JPH3: variants seen among roughly 807,000 people sequenced by gnomAD.
JPH3 encodes the protein junctophilin-3.
Under a neutral mutation model 59.6 loss-of-function variants are expected in JPH3, and 11 were observed. The observed-to-expected ratio is 0.18, with a 90% confidence interval of 0.12 to 0.31. The LOEUF (loss-of-function observed/expected upper bound fraction) is 0.31, where lower values mean the gene tolerates loss of function less well. Among genes scored for constraint, JPH3 ranks in the 10% least tolerant of loss-of-function variants. The pLI is 1.00. For missense variants in JPH3, 1,202 were observed against 1,105.7 expected (o/e 1.09, Z -1.24); for synonymous variants, 673 against 483.6 (o/e 1.39, Z -5.14).
chr16:87,649,043 C>T (rs1413856425), intron 2 of JPH3, among the ~76,000 whole-genome samples: 1 of 152,186 alleles, frequency 6.6e-6, no homozygotes, highest in Admixed American at 6.5e-5. Context: ...CAGAGTCCAG[C>T]CCAGCAAGGG....
intron 2 of JPH3, among the ~76,000 whole-genome samples, chr16:87,676,044 G>A (rs927198501): frequency 7.2e-5 from 11 of 152,274 alleles, no homozygotes; most frequent in Admixed American, 3.3e-4. Flanking sequence ...TGTCGCAGGC[G>A]ACGAAAGTGC....
In JPH3 at chr16:87,678,123, C is replaced by T. The variant is rs2033196945; in HGVS notation, c.1161-6019C>T. On this transcript the variant is annotated intron_variant, in intron 2 of 4. Coordinates refer to ENST00000284262, the MANE Select transcript of JPH3 (RefSeq NM_020655.4). ...CAAAATTAGCCAGGCGTAGTGTCTT[C>T]CTGCCCACTTGGGTGGCTGAAGTGG... is the stretch of plus-strand genomic sequence containing the variant. 2.0e-5 allele frequency among the ~76,000 whole-genome samples: 3 copies of T among 152,242 alleles called. No homozygotes were observed. The South Asian group carries it at 6.2e-4, about 32-fold the overall frequency.
intron 2 of JPH3, among the ~76,000 whole-genome samples, chr16:87,673,111 A>T (rs1305534324): frequency 6.6e-6 from 1 of 151,794 alleles, no homozygotes; most frequent in African/African-American, 2.4e-5. Flanking sequence ...GCACCGTTGC[A>T]CTCCAGACTG....
intron 1 of JPH3, among the ~76,000 whole-genome samples, chr16:87,610,051 T>G (rs910913797): frequency 2.0e-5 from 3 of 152,214 alleles, no homozygotes; most frequent in Admixed American, 2.0e-4. Flanking sequence ...GACATTAGAT[T>G]ATCATAAGGA....
At chr16:87,689,490 G>A (rs1024364713) in intron 3 of JPH3, among the ~76,000 whole-genome samples, 156 bp from the exon 4 acceptor site, 3 of 147,084 alleles carry the variant, frequency 2.0e-5, no homozygotes, top group South Asian at 2.2e-4. Context: ...TGGGAGCCAC[G>A]GTCCCCACTC....
chr16:87,646,167 C>A (rs1028330247), intron 2 of JPH3, among the ~76,000 whole-genome samples: 2 of 152,212 alleles, frequency 1.3e-5, no homozygotes, highest in African/African-American at 4.8e-5. Flanking sequence ...AGGAAAGCTC[C>A]CAGCCTGGGT....
intron 3 of JPH3, 102 bp from the exon 4 acceptor site, chr16:87,689,544 G>A: frequency 8.6e-6 from 11 of 1,274,492 alleles, no homozygotes; most frequent in Middle Eastern, 5.2e-4. Context: ...AAGCGCCTCT[G>A]CTGCCCTGAG....
chr16:87,629,890 CAG>C (rs144934749), intron 1 of JPH3, among the ~76,000 whole-genome samples: 11,250 of 152,174 alleles, frequency 0.074, 548 homozygotes, highest in Non-Finnish European at 0.11. Flanking sequence ...ATGCTAATAT[CAG>C]GGGAAGTGGG....
rs1021684808 is a variant in JPH3, at chr16:87,613,946, C to G, written c.382+10418C>G. ...ACAGCGCTGCAAACTTGTTTCTGGCCGCAGAATTGTTTCCGGCGCTCCGAG... is the reference window on the plus strand; with the variant it reads ...ACAGCGCTGCAAACTTGTTTCTGGCGGCAGAATTGTTTCCGGCGCTCCGAG... On this transcript the variant is annotated intron_variant, in intron 1 of 4. Transcript: ENST00000284262. Among the ~76,000 whole-genome samples, 11 of 152,226 alleles carry G rather than the reference C, an allele frequency of 7.2e-5. No homozygotes were observed. In the East Asian group the frequency reaches 1.5e-3, roughly 21 times the overall value.
intron 1 of JPH3, among the ~76,000 whole-genome samples, chr16:87,608,749 A>G (rs1020169415): frequency 6.6e-6 from 1 of 152,130 alleles, no homozygotes; most frequent in Non-Finnish European, 1.5e-5. Flanking sequence ...AAGTGTGCCT[A>G]TGCCTGTGCC....
chr16:87,616,118 G>T (rs1168976128), intron 1 of JPH3, among the ~76,000 whole-genome samples: 1 of 151,758 alleles, frequency 6.6e-6, no homozygotes, highest in African/African-American at 2.4e-5. Context: ...CAGGGTTGGG[G>T]GACTTTGAAT....
At chr16:87,638,620 G>A (rs1053102695) in intron 1 of JPH3, among the ~76,000 whole-genome samples, 47 of 151,716 alleles carry the variant, frequency 3.1e-4, no homozygotes, top group African/African-American at 1.1e-3. Context: ...TTCATGGCAG[G>A]GCTTGGGGAG....
intron 1 of JPH3, among the ~76,000 whole-genome samples, chr16:87,608,592 A>G (rs530072298): frequency 6.6e-6 from 1 of 152,332 alleles, no homozygotes; most frequent in Non-Finnish European, 1.5e-5. Flanking sequence ...CAGTCCCTTC[A>G]GCACCTTGGA....
intron 3 of JPH3, among the ~76,000 whole-genome samples, chr16:87,685,487 C>T (rs2033395328): frequency 6.6e-6 from 1 of 152,262 alleles, no homozygotes; most frequent in African/African-American, 2.4e-5. Flanking sequence ...CTTGCCTCGC[C>T]CACGACCAGC....
intron 1 of JPH3, among the ~76,000 whole-genome samples, chr16:87,643,759 G>A (rs1347387869): frequency 6.6e-6 from 1 of 152,286 alleles, no homozygotes; most frequent in East Asian, 1.9e-4. Flanking sequence ...CAGGATGGAG[G>A]TGTCTTCAAA....
chr16:87,603,084 C>G lies in JPH3; in HGVS notation c.-63C>G. 1 of 1,610,266 alleles carries G rather than the reference C, an allele frequency of 6.2e-7. No homozygotes were observed. The highest frequency in any genetic ancestry group is 8.5e-7 in the Non-Finnish European group (1 of 1,177,844). On this transcript the variant is annotated 5_prime_UTR_variant, in exon 1 of 5. Coordinates refer to ENST00000284262, the MANE Select transcript of JPH3 (RefSeq NM_020655.4). ...CCCAGGGCCGCCGGCGGCCGCGACT[C>G]TGCTGTGTCGATCGCCTGAGTCCGT... is the stretch of plus-strand genomic sequence containing the variant.
At chr16:87,635,730 G>C (rs549119073) in intron 1 of JPH3, among the ~76,000 whole-genome samples, 3 of 152,286 alleles carry the variant, frequency 2.0e-5, no homozygotes, top group African/African-American at 4.8e-5. Flanking sequence ...TCTAGTCGGC[G>C]TTTCACGGGC....
At chr16:87,666,076 G>C (rs75302180) in intron 2 of JPH3, among the ~76,000 whole-genome samples, 3 of 149,284 alleles carry the variant, frequency 2.0e-5, no homozygotes, top group Admixed American at 6.8e-5. Flanking sequence ...GTAAATAACA[G>C]GTACTTCTTT....
intron 1 of JPH3, among the ~76,000 whole-genome samples, chr16:87,638,782 G>A (rs1412181694): frequency 6.6e-6 from 1 of 152,192 alleles, no homozygotes; most frequent in African/African-American, 2.4e-5. Context: ...GCCATAGAGT[G>A]CTGAGAATTC....
Sources: gnomAD v4.1 joint callset for allele counts (sites outside exome capture counted in the v4.1 genomes callset) on GRCh38, gnomAD v4.1.1 for gene constraint, MANE v1.5 for transcripts, NCBI Gene and HGNC (gene_info 2026-07-23, HGNC 2026-07-21) for gene names.